Variants in CFDP1 observed in about 807,000 individuals in gnomAD.
CFDP1 encodes the protein heterochromatin-stabilizing protein CFDP1.
CFDP1 carries 31 observed loss-of-function variants against 40.1 expected under a neutral mutation model. The observed-to-expected ratio is 0.77, with a 90% CI of 0.58 to 1.04. The LOEUF (loss-of-function observed/expected upper bound fraction) is 1.04, where lower values mean the gene tolerates loss of function less well. Among genes scored for constraint, CFDP1 ranks in the 50% least tolerant of loss-of-function variants. The pLI, the probability that CFDP1 is intolerant of heterozygous loss-of-function variation, is 0.00. For synonymous variants in CFDP1, 167 were observed against 120.0 expected, an observed-to-expected ratio of 1.39 and a Z score of -2.56; for missense variants, 423 against 343.4, an observed-to-expected ratio of 1.23 and a Z score of -1.83.
Position 75,414,526 on chromosome 16 carries a change from G to A in CFDP1, c.182+52C>T, listed in dbSNP as rs375990949. On this transcript the variant is annotated intron_variant, in intron 2 of 6. Transcript: ENST00000283882. ...TCATGAGACCAATCTTAGCAATCAG[G>A]ATGGTTGTGACAATAGCCCCTAACT... 4.7e-6 allele frequency: 5 copies of A among 1,053,194 alleles called. No individual in the cohort carries two copies. The African/African-American group carries it at 7.8e-5, about 16-fold the overall frequency. The allele number at this position is 1,053,194 out of a possible 1,614,324, so 65.2% of individuals were successfully genotyped here. A position where few individuals can be genotyped will look rare whatever the true frequency, so the allele number is the denominator to read the frequency against.
chr16:75,367,772 G>C (rs1319051483), intron 5 of CFDP1, among the ~76,000 whole-genome samples: 3 of 127,608 alleles, frequency 2.4e-5, no homozygotes, highest in Non-Finnish European at 4.7e-5. Context: ...CAGCCTGGGC[G>C]ACAGAGTGAC....
chr16:75,338,069 T>C (rs911014469), intron 5 of CFDP1, among the ~76,000 whole-genome samples: 6 of 152,226 alleles, frequency 3.9e-5, no homozygotes, highest in African/African-American at 1.4e-4. Context: ...CAACTTTTAC[T>C]TCAAAGGTTC....
chr16:75,306,373 G>C (rs1366794398), intron 5 of CFDP1: 3 of 152,270 alleles, frequency 2.0e-5, no homozygotes, highest in African/African-American at 7.2e-5. Flanking sequence ...AAAGCAGCGT[G>C]AACGACTACT....
intron 4 of CFDP1, among the ~76,000 whole-genome samples, chr16:75,400,290 C>A (rs75907872): frequency 5.3e-5 from 2 of 37,554 alleles, no homozygotes; most frequent in African/African-American, 1.1e-4. Context: ...AAACAAAAAA[C>A]AAAACAAAAC....
chr16:75,349,449 C>A (rs1283728414), intron 5 of CFDP1, among the ~76,000 whole-genome samples: 1 of 150,014 alleles, frequency 6.7e-6, no homozygotes, highest in Non-Finnish European at 1.5e-5. Flanking sequence ...GTGGAGGTTG[C>A]GGTGAGCCAG....
intron 1 of CFDP1, among the ~76,000 whole-genome samples, chr16:75,418,646 C>T (rs1472981436): frequency 1.3e-5 from 2 of 150,458 alleles, no homozygotes; most frequent in Non-Finnish European, 2.9e-5. Flanking sequence ...GTCCACTACA[C>T]AAACGGCATA....
intron 5 of CFDP1, among the ~76,000 whole-genome samples, chr16:75,347,364 A>AAAAC (rs2078576458): frequency 1.2e-5 from 1 of 84,312 alleles, no homozygotes; most frequent in East Asian, 2.5e-4. Flanking sequence ...AAAAAAAAAA[A>AAAAC]GAAAAAGAAA....
chr16:75,294,692 C>G (rs1010631), intron 6 of CFDP1, among the ~76,000 whole-genome samples: 126,423 of 151,902 alleles, frequency 0.83, 52,779 homozygotes, highest in Middle Eastern at 0.9. Context: ...ACCCTGTTTG[C>G]GTCTAGGTTG....
At chr16:75,391,560 G>C (rs1046498636) in intron 5 of CFDP1, 40 of 152,036 alleles carry the variant, frequency 2.6e-4, no homozygotes, top group African/African-American at 8.9e-4. Context: ...ACATAGTAAG[G>C]GTAAATATTT....
At chr16:75,411,999 T>C (rs2079167287) in intron 3 of CFDP1, 47 bp from the exon 4 acceptor site, 2 of 1,550,752 alleles carry the variant, frequency 1.3e-6, no homozygotes, top group Non-Finnish European at 1.7e-6. Context: ...AGATGAACCA[T>C]ATTGTTTACA....
chr16:75,398,980 C>T (rs1374489047), intron 4 of CFDP1, among the ~76,000 whole-genome samples: 1 of 151,364 alleles, frequency 6.6e-6, no homozygotes, highest in Non-Finnish European at 1.5e-5. Flanking sequence ...TAGTGGGAAC[C>T]CGGGAGGTGG....
intron 5 of CFDP1, among the ~76,000 whole-genome samples, chr16:75,356,173 A>G (rs1166296120): frequency 6.6e-6 from 1 of 152,226 alleles, no homozygotes; most frequent in African/African-American, 2.4e-5. Flanking sequence ...CATCAGATAA[A>G]TCACTATCTA....
At chr16:75,415,978 G>C (rs1199222541) in intron 1 of CFDP1, among the ~76,000 whole-genome samples, 7 of 152,014 alleles carry the variant, frequency 4.6e-5, no homozygotes, top group African/African-American at 1.4e-4. Context: ...TTGGCCTCCT[G>C]AGTAGCTGAC....
At chr16:75,296,247 A>T (rs2078181333) in intron 6 of CFDP1, among the ~76,000 whole-genome samples, 2 of 151,896 alleles carry the variant, frequency 1.3e-5, no homozygotes, top group Admixed American at 1.3e-4. Flanking sequence ...TTTCTTCCTG[A>T]CTTTATTTTT....
Position 75,433,408 on chromosome 16 carries a change from G to T in CFDP1, c.-56C>A. On this transcript the variant is annotated 5_prime_UTR_variant, in exon 1 of 7. Transcript: ENST00000283882. ...CAAGACCGCAGCAGCCGCCTCCAACGGCAAAGCTCTAGGGAGAGACCATAG... is the reference window on the plus strand; with the variant it reads ...CAAGACCGCAGCAGCCGCCTCCAACTGCAAAGCTCTAGGGAGAGACCATAG... The T allele has an allele frequency of 1.3e-6, 2 of 1,524,058 alleles. No individual in the cohort carries two copies. Among genetic ancestry groups the T allele is most frequent in the Admixed American group, 1.9e-5 (1 of 52,154 alleles). The allele number at this position is 1,524,058 out of a possible 1,614,324, so 94.4% of individuals were successfully genotyped here.
chr16:75,376,438 A>C (rs1380791119), intron 5 of CFDP1, among the ~76,000 whole-genome samples: 3 of 152,232 alleles, frequency 2.0e-5, no homozygotes, highest in Non-Finnish European at 4.4e-5. Flanking sequence ...GCAACATGAT[A>C]AGTCTCAAAT....
chr16:75,355,424 C>A (rs1335944906), intron 5 of CFDP1, among the ~76,000 whole-genome samples: 1 of 152,200 alleles, frequency 6.6e-6, no homozygotes, highest in Non-Finnish European at 1.5e-5. Flanking sequence ...ATTCTAAATC[C>A]TTTGCTGTCA....
At chr16:75,349,690 A>AAT (rs67126172) in intron 5 of CFDP1, among the ~76,000 whole-genome samples, 179 of 13,076 alleles carry the variant, frequency 0.014, 56 homozygotes, top group East Asian at 0.033. Flanking sequence ...AAAAAAAAAA[A>AAT]ATATATATAC....
chr16:75,338,602 T>C lies in CFDP1; in HGVS notation c.651-33420A>G, dbSNP rs2078506440. On this transcript the variant is annotated intron_variant, in intron 5 of 6. Transcript: ENST00000283882. ...GTCACTGCTGTTGAGAGCGTGCAGC[T>C]GCTCACTTTCCAGAGGGTTACTGAC... Among the ~76,000 whole-genome samples, 6 of 152,364 alleles carry C rather than the reference T, an allele frequency of 3.9e-5. No homozygotes were observed. The South Asian group carries it at 1.2e-3, about 32-fold the overall frequency.
Sources: allele counts gnomAD v4.1 joint callset (sites outside exome capture counted in the v4.1 genomes callset), GRCh38; gene constraint gnomAD v4.1.1; transcripts MANE v1.5; gene names NCBI Gene and HGNC (gene_info 2026-07-23, HGNC 2026-07-21).